LRRC37B: variants seen among roughly 807,000 people sequenced by gnomAD.
LRRC37B encodes leucine-rich repeat-containing protein 37B.
LRRC37B carries 28 observed loss-of-function variants against 98.3 expected under a neutral mutation model. The ratio of observed to expected loss-of-function variants is 0.28; its 90% CI spans 0.21 to 0.39. The LOEUF (loss-of-function observed/expected upper bound fraction) is 0.39. LRRC37B is among the 10% of genes least tolerant of loss of function. LRRC37B has a pLI of 1.00. For missense variants in LRRC37B, 938 were observed against 1,182.7 expected, an observed-to-expected ratio of 0.79 and a Z score of 3.03; for synonymous variants, 364 against 442.7, an observed-to-expected ratio of 0.82 and a Z score of 2.23.
chr17:32,027,523 G>A (rs1013290928), intron 2 of LRRC37B, among the ~76,000 whole-genome samples: 4 of 151,184 alleles, frequency 2.6e-5, no homozygotes, highest in Non-Finnish European at 4.4e-5. Flanking sequence ...GCCTGTGTGT[G>A]TGCTTGTGTG....
intron 5 of LRRC37B, among the ~76,000 whole-genome samples, chr17:32,034,685 T>C (rs566383112): frequency 6.6e-6 from 1 of 152,060 alleles, no homozygotes; most frequent in African/African-American, 2.4e-5. Context: ...TGTGTGTTTT[T>C]TTTTTCTATT....
At position 32,040,792 on chromosome 17, in the gene LRRC37B, A is replaced by G. The variant is rs533712709; in HGVS notation, c.2205-4908A>G. On this transcript the variant is annotated intron_variant, in intron 7 of 11. Coordinates refer to ENST00000327564, the Ensembl canonical transcript of LRRC37B. ...CTGGATGCCGGCGAGTCCATGAAGC[A>G]CCTGGCAGAGGTGAAGGACTCCCTG... is the stretch of plus-strand genomic sequence containing the variant. The G allele has an allele frequency of 1.7e-4, 141 of 828,906 alleles. No homozygotes were observed. In the African/African-American group the frequency reaches 2.3e-3, roughly 13 times the overall value. 51.3% of individuals were successfully genotyped at this position (828,906 alleles called of 1,614,324 possible).
chr17:32,053,461 A>G (rs1161938708), exon 12 of LRRC37B: 1 of 654,198 alleles, frequency 1.5e-6, no homozygotes, highest in South Asian at 2.2e-5. Context: ...ATTTTTAACA[A>G]TAATAAAAAT....
At chr17:32,016,439 G>C (rs2142237301), upstream of LRRC37B, among the ~76,000 whole-genome samples, 1 of 152,260 alleles carries the variant, frequency 6.6e-6, no homozygotes, top group Admixed American at 6.5e-5. Flanking sequence ...TAATGTCCGT[G>C]GTTAAGCTTT....
chr17:32,023,174 T>C (rs1298340003), intron 1 of LRRC37B, among the ~76,000 whole-genome samples: 1 of 146,542 alleles, frequency 6.8e-6, no homozygotes, highest in Non-Finnish European at 1.5e-5. Flanking sequence ...CAGGCTGGAG[T>C]GCAATGGCAT....
chr17:32,045,166 A>T (rs1911537907), intron 7 of LRRC37B, among the ~76,000 whole-genome samples: 1 of 151,986 alleles, frequency 6.6e-6, no homozygotes, highest in Non-Finnish European at 1.5e-5. Context: ...TTTATATATT[A>T]TGTTGTAGCT....
intron 1 of LRRC37B, among the ~76,000 whole-genome samples, chr17:32,009,938 G>T (rs1238410718): frequency 6.6e-6 from 1 of 152,234 alleles, no homozygotes; most frequent in African/African-American, 2.4e-5. Flanking sequence ...GAGCCACCAT[G>T]CCTGGCCAAT....
intron 1 of LRRC37B, among the ~76,000 whole-genome samples, chr17:32,024,298 G>A (rs553941079): frequency 1.3e-5 from 2 of 152,336 alleles, no homozygotes; most frequent in African/African-American, 4.8e-5. Flanking sequence ...CAAAGCTTTG[G>A]TGTTGCCTGG....
intron 7 of LRRC37B, among the ~76,000 whole-genome samples, chr17:32,043,800 C>G (rs181551264): frequency 1.2e-4 from 19 of 152,186 alleles, no homozygotes; most frequent in Middle Eastern, 3.4e-3. Flanking sequence ...CTTCATGTAT[C>G]CATTGAATAC....
intron 7 of LRRC37B, among the ~76,000 whole-genome samples, chr17:32,044,218 A>G (rs1016784828): frequency 6.6e-6 from 1 of 151,974 alleles, no homozygotes; most frequent in African/African-American, 2.4e-5. Context: ...AAATTAATCA[A>G]TTATCTTGGT....
At chr17:32,018,283 T>A (rs1910690061), upstream of LRRC37B, among the ~76,000 whole-genome samples, 1 of 152,114 alleles carries the variant, frequency 6.6e-6, no homozygotes, top group South Asian at 2.1e-4. Flanking sequence ...GCCAAGATCA[T>A]GTCATTGCAC....
At chr17:32,043,277 A>G (rs567778302) in intron 7 of LRRC37B, among the ~76,000 whole-genome samples, 10 of 152,374 alleles carry the variant, frequency 6.6e-5, no homozygotes, top group African/African-American at 2.4e-4. Flanking sequence ...CAGGAAGAGA[A>G]TAACAAAACC....
chr17:32,041,179 G>T, intron 7 of LRRC37B: 1 of 772,048 alleles, frequency 1.3e-6, no homozygotes, highest in South Asian at 1.3e-5. Context: ...CGCCCCAAGC[G>T]GGAGTATAAG....
At chr17:32,023,120 CTT>C (rs1224317741) in intron 1 of LRRC37B, among the ~76,000 whole-genome samples, 10 of 133,054 alleles carry the variant, frequency 7.5e-5, no homozygotes, top group Non-Finnish European at 8.0e-5. Context: ...GCTTCACCCT[CTT>C]TTTTTTTTTT....
At chr17:32,048,245 G>A (rs1911645660) in intron 9 of LRRC37B, among the ~76,000 whole-genome samples, 1 of 151,740 alleles carries the variant, frequency 6.6e-6, no homozygotes, top group South Asian at 2.1e-4. Flanking sequence ...GAGCATCCAG[G>A]AAAGGCACTT....
At chr17:32,053,416 T>A in exon 12 of LRRC37B, 1 of 836,396 alleles carries the variant, frequency 1.2e-6, no homozygotes, top group Non-Finnish European at 1.9e-6. Flanking sequence ...AATGAAAACT[T>A]TCTTTACTTT....
chr17:32,029,557 T>C (rs993724575), intron 3 of LRRC37B, among the ~76,000 whole-genome samples: 2 of 152,002 alleles, frequency 1.3e-5, no homozygotes, highest in African/African-American at 4.8e-5. Flanking sequence ...AACAATCCCA[T>C]TTGAATAGGA....
intron 1 of LRRC37B, among the ~76,000 whole-genome samples, chr17:32,008,890 A>G (rs1910468610): frequency 6.6e-6 from 1 of 152,248 alleles, no homozygotes; most frequent in Non-Finnish European, 1.5e-5. Context: ...GCAGCTATGA[A>G]TAAAGCTGCC....
Position 32,045,828 on chromosome 17 carries a change from A to G in LRRC37B, c.2323+10A>G. On this transcript the variant is annotated intron_variant, in intron 8 of 11. Transcript: ENST00000327564. ...AACAGCATACATTGTCGTGAGTCCA[A>G]ATTGCCTGGTGATAAATTGTTACAT... 3.1e-6 allele frequency: 5 copies of G among 1,596,386 alleles called. No individual in the cohort carries two copies. Among genetic ancestry groups the G allele is most frequent in the Non-Finnish European group, 3.4e-6 (4 of 1,177,600 alleles).
Sources: gnomAD v4.1 joint callset for allele counts (sites outside exome capture counted in the v4.1 genomes callset) on GRCh38, gnomAD v4.1.1 for gene constraint, MANE v1.5 for transcripts, NCBI Gene and HGNC (gene_info 2026-07-23, HGNC 2026-07-21) for gene names.